The following CDYL variants were observed in gnomAD, a reference collection of about 807,000 sequenced individuals.
The protein encoded by CDYL is chromodomain Y-like protein.
In CDYL, 8 loss-of-function variants were observed where a neutral mutation model predicts 47.3. That is an observed-to-expected ratio of 0.17 (90% CI 0.10 to 0.31). The LOEUF is 0.31. Ranked by LOEUF, CDYL falls within the 10% of genes least tolerant of loss-of-function variation. CDYL has a pLI of 1.00. For synonymous variants in CDYL, 266 were observed against 265.0 expected, an observed-to-expected ratio of 1.00 and a Z score of -0.04; for missense variants, 471 against 701.4, an observed-to-expected ratio of 0.67 and a Z score of 3.71.
intron 3 of CDYL, among the ~76,000 whole-genome samples, chr6:4,763,530 A>T (rs1176003366): frequency 6.6e-6 from 1 of 152,232 alleles, no homozygotes. Flanking sequence ...GAAAAAAATA[A>T]AAGTATTGGT....
intron 2 of CDYL, among the ~76,000 whole-genome samples, chr6:4,893,997 G>A (rs987829841): frequency 3.3e-5 from 5 of 152,308 alleles, no homozygotes; most frequent in African/African-American, 9.6e-5. Flanking sequence ...TGACCCAAAC[G>A]GTGCCTTTTC....
At chr6:4,825,848 CAAAA>C (rs34591908) in intron 1 of CDYL, among the ~76,000 whole-genome samples, 8 of 98,820 alleles carry the variant, frequency 8.1e-5, no homozygotes, top group South Asian at 3.2e-4. Flanking sequence ...CCTAGAATGG[CAAAA>C]AAAAAAAAAA....
chr6:4,911,799 A>G (rs1433937949), intron 2 of CDYL, among the ~76,000 whole-genome samples: 1 of 152,246 alleles, frequency 6.6e-6, no homozygotes, highest in Non-Finnish European at 1.5e-5. Context: ...AAGTAAAAAC[A>G]TGACTTACAA....
intron 3 of CDYL, among the ~76,000 whole-genome samples, chr6:4,769,963 ATTTG>A (rs770213822): frequency 8.8e-6 from 1 of 113,464 alleles, no homozygotes; most frequent in Admixed American, 8.4e-5. Flanking sequence ...CGCCCGGCTA[ATTTG>A]TGTGTGTGTG....
chr6:4,847,729 G>A (rs1760705011), intron 1 of CDYL, among the ~76,000 whole-genome samples: 1 of 152,172 alleles, frequency 6.6e-6, no homozygotes. Context: ...TTGAGCTTTA[G>A]AACGGGCAAA....
At chr6:4,845,110 T>A (rs1760617028) in intron 1 of CDYL, among the ~76,000 whole-genome samples, 1 of 152,242 alleles carries the variant, frequency 6.6e-6, no homozygotes, top group African/African-American at 2.4e-5. Flanking sequence ...TTTTTGTCTG[T>A]CACTTGATAT....
intron 3 of CDYL, among the ~76,000 whole-genome samples, chr6:4,750,498 G>A (rs780008741): frequency 3.3e-5 from 5 of 151,892 alleles, no homozygotes; most frequent in Admixed American, 2.6e-4. Context: ...CACCATGCCC[G>A]GCCAAAAAAA....
At position 4,953,581 on chromosome 6, in the gene CDYL, G is replaced by A. The variant is rs1052328700; in HGVS notation, c.1477-317G>A. 1.9e-3 allele frequency among the ~76,000 whole-genome samples: 287 copies of A among 152,304 alleles called. 6 individuals carry two copies. The highest frequency in any genetic ancestry group is 0.018 in the Admixed American group (280 of 15,298). ...CATCCCCAGAGCTTTCTGGGCATCA[G>A]CAGAGCAGACGTCCAGTTCGGGGGT... On this transcript the variant is annotated intron_variant, in intron 6 of 6. Transcript: ENST00000397588.
At chr6:4,762,794 G>A (rs9504238) in intron 3 of CDYL, among the ~76,000 whole-genome samples, 26,766 of 151,850 alleles carry the variant, frequency 0.18, 3,252 homozygotes, top group African/African-American at 0.34. Flanking sequence ...ATAATACAAC[G>A]CATAGGACTG....
chr6:4,809,254 C>T (rs1198895243), intron 1 of CDYL, among the ~76,000 whole-genome samples: 1 of 152,216 alleles, frequency 6.6e-6, no homozygotes, highest in Non-Finnish European at 1.5e-5. Flanking sequence ...AAATCACTCA[C>T]ATCAGCTCTT....
At chr6:4,804,094 A>C (rs1261695743) in intron 1 of CDYL, among the ~76,000 whole-genome samples, 13 of 151,980 alleles carry the variant, frequency 8.6e-5, no homozygotes. Flanking sequence ...TAATTTTATG[A>C]AACTTGGGCT....
chr6:4,869,935 G>T (rs1761428184), intron 1 of CDYL, among the ~76,000 whole-genome samples: 1 of 152,178 alleles, frequency 6.6e-6, no homozygotes, highest in Admixed American at 6.5e-5. Flanking sequence ...TTGCATTACT[G>T]TCTGGAGTCC....
intron 2 of CDYL, among the ~76,000 whole-genome samples, chr6:4,925,648 C>T (rs1365625523): frequency 6.6e-6 from 1 of 152,000 alleles, no homozygotes; most frequent in East Asian, 1.9e-4. Flanking sequence ...GATCTCCTGC[C>T]CTCGTGATCC....
At chr6:4,766,765 A>G (rs1758257745) in intron 3 of CDYL, among the ~76,000 whole-genome samples, 1 of 151,866 alleles carries the variant, frequency 6.6e-6, no homozygotes, top group Non-Finnish European at 1.5e-5. Flanking sequence ...AGCCTTTGGG[A>G]GGCTGAGGTT....
At chr6:4,927,428 C>CGTGTGTGTGTGTGT (rs35317751) in intron 2 of CDYL, among the ~76,000 whole-genome samples, 14,263 of 142,378 alleles carry the variant, frequency 0.1, 893 homozygotes, top group African/African-American at 0.16. Flanking sequence ...ATTTACTGTA[C>CGTGTGTGTGTGTGT]GTGTGTGTGT....
chr6:4,903,477 A>G (rs918170599), intron 2 of CDYL, among the ~76,000 whole-genome samples: 17 of 152,152 alleles, frequency 1.1e-4, no homozygotes, highest in African/African-American at 3.9e-4. Flanking sequence ...TTTTATTGAA[A>G]ATTATATTGT....
intron 1 of CDYL, chr6:4,714,627 C>T (rs1373368093): frequency 1.3e-5 from 2 of 152,278 alleles, no homozygotes; most frequent in South Asian, 2.1e-4. Flanking sequence ...TTCAGCTACC[C>T]TGAACATTCC....
chr6:4,935,475 T>G (rs749095558), intron 2 of CDYL, 40 bp from the exon 3 acceptor site: 58 of 1,571,720 alleles, frequency 3.7e-5, no homozygotes, highest in Non-Finnish European at 4.7e-5. Flanking sequence ...GAACTGGTGG[T>G]GGGACATCAC....
intron 1 of CDYL, among the ~76,000 whole-genome samples, chr6:4,876,913 G>A (rs1003894423): frequency 1.3e-5 from 2 of 152,206 alleles, no homozygotes; most frequent in African/African-American, 2.4e-5. Flanking sequence ...GTGCCATCAT[G>A]GTACTGGGAG....
Sources: allele counts gnomAD v4.1 joint callset (sites outside exome capture counted in the v4.1 genomes callset), GRCh38; gene constraint gnomAD v4.1.1; transcripts MANE v1.5; gene names NCBI Gene and HGNC (gene_info 2026-07-23, HGNC 2026-07-21).